The following ACACA variants were observed in gnomAD, a reference collection of about 807,000 sequenced individuals.
The protein encoded by ACACA is acetyl-CoA carboxylase alpha, also known as acetyl-CoA carboxylase 1.
In ACACA, 103 loss-of-function variants were observed where a neutral mutation model predicts 296.1. The ratio of observed to expected loss-of-function variants is 0.35; its 90% CI spans 0.30 to 0.41. The LOEUF (loss-of-function observed/expected upper bound fraction) is 0.41. Among genes scored for constraint, ACACA ranks in the 10% least tolerant of loss-of-function variants. The probability of loss-of-function intolerance (pLI) is 1.00; values close to 1 mark genes in which losing one functional copy is unlikely to be tolerated. For synonymous variants in ACACA, 953 were observed against 1,038.6 expected (o/e 0.92, Z 1.58); for missense variants, 1,554 against 2,989.7 (o/e 0.52, Z 11.20).
intron 43 of ACACA, among the ~76,000 whole-genome samples, chr17:37,151,755 G>A (rs905898557): frequency 3.9e-5 from 6 of 152,028 alleles, no homozygotes; most frequent in South Asian, 2.1e-4. Flanking sequence ...TCTGCCTCCC[G>A]GGTTCACGCC....
intron 1 of ACACA, among the ~76,000 whole-genome samples, chr17:37,342,406 C>G (rs1281794320): frequency 9.5e-5 from 2 of 21,114 alleles, no homozygotes; most frequent in Non-Finnish European, 1.6e-4. Context: ...GACTGTCTCT[C>G]AAAAAAAAAA....
At chr17:37,242,593 T>C (rs1162575729) in intron 22 of ACACA, among the ~76,000 whole-genome samples, 1 of 152,070 alleles carries the variant, frequency 6.6e-6, no homozygotes, top group Non-Finnish European at 1.5e-5. Flanking sequence ...TAGCTGGGCA[T>C]AGTGGTGCAC....
At chr17:37,264,767 A>G (rs1290637392) in intron 10 of ACACA, among the ~76,000 whole-genome samples, 3 of 152,154 alleles carry the variant, frequency 2.0e-5, no homozygotes, top group Admixed American at 6.5e-5. Context: ...TCACATAACC[A>G]TATGTCTTTT....
chr17:37,379,682 G>C (rs1008885904), intron 1 of ACACA, among the ~76,000 whole-genome samples: 144 of 151,804 alleles, frequency 9.5e-4, no homozygotes, highest in Admixed American at 6.6e-3. Flanking sequence ...AAATGCTCAT[G>C]ATCACTGGCC....
At chr17:37,379,242 T>G (rs1360619709) in intron 1 of ACACA, 1 of 1,613,900 alleles carries the variant, frequency 6.2e-7, no homozygotes, top group African/African-American at 1.3e-5. Flanking sequence ...CTTGTATATT[T>G]GGAGAGAAGG....
intron 35 of ACACA, among the ~76,000 whole-genome samples, chr17:37,194,794 AACTG>A (rs2077914578): frequency 6.6e-6 from 1 of 152,142 alleles, no homozygotes; most frequent in African/African-American, 2.4e-5. Flanking sequence ...TTGGTATTTT[AACTG>A]TAAGACTGCA....
intron 1 of ACACA, among the ~76,000 whole-genome samples, chr17:37,341,033 T>C (rs1004869196): frequency 1.3e-5 from 2 of 152,106 alleles, no homozygotes; most frequent in Admixed American, 1.3e-4. Flanking sequence ...GAAAAGCCAA[T>C]GCACTCCAGC....
At chr17:37,174,020 A>ATATATATTT (rs552735515) in intron 41 of ACACA, among the ~76,000 whole-genome samples, 4 of 16,794 alleles carry the variant, frequency 2.4e-4, no homozygotes, top group African/African-American at 5.1e-4. Context: ...ATATATATAT[A>ATATATATTT]TTTTTTTTTT....
At chr17:37,293,527 A>C (rs2083175902) in intron 3 of ACACA, among the ~76,000 whole-genome samples, 1 of 151,642 alleles carries the variant, frequency 6.6e-6, no homozygotes. Flanking sequence ...AGCATCAAAA[A>C]TAATTTTAGG....
At chr17:37,262,456 T>C (rs1436605478) in intron 11 of ACACA, among the ~76,000 whole-genome samples, 1 of 152,320 alleles carries the variant, frequency 6.6e-6, no homozygotes, top group Admixed American at 6.5e-5. Context: ...GAGCAAAGTT[T>C]GGCAAACTTT....
chr17:37,089,181 T>A, intron 54 of ACACA, 107 bp from the exon 55 acceptor site: 1 of 1,483,658 alleles, frequency 6.7e-7, no homozygotes, highest in South Asian at 1.1e-5. Context: ...GTGCTCCGTG[T>A]CCACGATTCT....
At chr17:37,143,244 T>G (rs2075671983) in intron 45 of ACACA, among the ~76,000 whole-genome samples, 1 of 151,772 alleles carries the variant, frequency 6.6e-6, no homozygotes, top group Admixed American at 6.6e-5. Flanking sequence ...AATTGTAATT[T>G]ACTTAGAAGC....
In ACACA at chr17:37,085,980, G is replaced by GTTCTT. The variant is rs200592367; in HGVS notation, c.*1331_*1335dup. 0.031 allele frequency: 12,149 copies of GTTCTT among 397,718 alleles called. 257 individuals carry two copies. The highest frequency in any genetic ancestry group is 0.056 in the Middle Eastern group (89 of 1,580). 24.6% of individuals were successfully genotyped at this position (397,718 alleles called of 1,614,324 possible). Reference sequence around the variant, plus strand: ...GCTTTAGGAACAGAGGAATCAGTAAGTTCTTTTCTTGAATAAACTAGTTGT... The same window carrying GTTCTT: ...GCTTTAGGAACAGAGGAATCAGTAAGTTCTTTTCTTTTCTTGAATAAACTAGTTGT... On this transcript the variant is annotated 3_prime_UTR_variant, in exon 56 of 56. Transcript: ENST00000616317.
At chr17:37,288,536 T>C (rs1343983014) in intron 3 of ACACA, among the ~76,000 whole-genome samples, 1 of 152,184 alleles carries the variant, frequency 6.6e-6, no homozygotes, top group Non-Finnish European at 1.5e-5. Context: ...ACGTTCTATA[T>C]CTTGATCTCA....
intron 1 of ACACA, among the ~76,000 whole-genome samples, chr17:37,405,575 A>G (rs2051452300): frequency 6.6e-6 from 1 of 152,116 alleles, no homozygotes. Context: ...TTTTTGAGAC[A>G]GAGTTTCGCT....
chr17:37,260,745 G>A (rs2081477466), intron 11 of ACACA, among the ~76,000 whole-genome samples: 1 of 151,616 alleles, frequency 6.6e-6, no homozygotes, highest in African/African-American at 2.4e-5. Flanking sequence ...GAAAAGAAAG[G>A]AAAAGAAAAG....
At chr17:37,391,068 C>G (rs2050862411) in intron 1 of ACACA, among the ~76,000 whole-genome samples, 1 of 151,778 alleles carries the variant, frequency 6.6e-6, no homozygotes, top group Non-Finnish European at 1.5e-5. Flanking sequence ...GTGAAACTGT[C>G]TCAACTAAAA....
At position 37,092,034 on chromosome 17, in the gene ACACA, T is replaced by A. The variant is rs575701465; in HGVS notation, c.6892-2960A>T. ...CTGGCACAGTGGCTCACGCCTGTTA[T>A]CCCAGCAATTTGGGAGGCTGAGGCA... On this transcript the variant is annotated intron_variant, in intron 54 of 55. Coordinates refer to ENST00000616317, the MANE Select transcript of ACACA (RefSeq NM_198834.3). Among the ~76,000 whole-genome samples, 6 of 152,076 alleles carry A rather than the reference T, an allele frequency of 3.9e-5. No homozygotes were observed. In the South Asian group the frequency reaches 1.0e-3, roughly 26 times the overall value.
At chr17:37,199,496 T>C (rs1401324022) in intron 35 of ACACA, among the ~76,000 whole-genome samples, 1 of 152,216 alleles carries the variant, frequency 6.6e-6, no homozygotes, top group East Asian at 1.9e-4. Context: ...ATCTCATAAA[T>C]ATTAACAGTT....
Sources: allele counts gnomAD v4.1 joint callset (sites outside exome capture counted in the v4.1 genomes callset), GRCh38; gene constraint gnomAD v4.1.1; transcripts MANE v1.5; gene names NCBI Gene and HGNC (gene_info 2026-07-23, HGNC 2026-07-21).